The following ST8SIA6 variants were observed in gnomAD, a reference collection of about 807,000 sequenced individuals.
The protein encoded by ST8SIA6 is ST8 alpha-N-acetyl-neuraminide alpha-2,8-sialyltransferase 6.
A neutral mutation model predicts 33.6 loss-of-function variants in ST8SIA6; 39 were observed. The ratio of observed to expected loss-of-function variants is 1.16; its 90% CI spans 0.90 to 1.52. The LOEUF is 1.52. Among genes scored for constraint, ST8SIA6 ranks in the 40% most tolerant of loss-of-function variants. ST8SIA6 has a pLI of 0.00. For missense variants in ST8SIA6, 441 were observed against 443.8 expected (o/e 0.99, Z 0.06); for synonymous variants, 172 against 167.2 (o/e 1.03, Z -0.22).
intron 2 of ST8SIA6, among the ~76,000 whole-genome samples, chr10:17,444,231 G>A (rs920257039): frequency 1.8e-4 from 27 of 152,086 alleles, no homozygotes; most frequent in East Asian, 5.8e-4. Context: ...ACCAGACAAC[G>A]CTACCCAACT....
chr10:17,376,232 T>C (rs997941090), intron 3 of ST8SIA6, among the ~76,000 whole-genome samples: 2 of 152,186 alleles, frequency 1.3e-5, no homozygotes, highest in Admixed American at 1.3e-4. Flanking sequence ...AGCAAGATGG[T>C]TGAAAATGGC....
chr10:17,361,550 A>G (rs1474432043), intron 3 of ST8SIA6, among the ~76,000 whole-genome samples: 1 of 146,890 alleles, frequency 6.8e-6, no homozygotes, highest in Admixed American at 6.8e-5. Context: ...ACACACACAC[A>G]CGGCCCAAAT....
At chr10:17,328,701 T>C (rs1402520555) in intron 5 of ST8SIA6, among the ~76,000 whole-genome samples, 2 of 152,244 alleles carry the variant, frequency 1.3e-5, no homozygotes, top group Non-Finnish European at 2.9e-5. Context: ...ACCCATCTCA[T>C]GGGCTTTCAA....
intron 2 of ST8SIA6, among the ~76,000 whole-genome samples, chr10:17,441,974 T>C (rs1852514269): frequency 6.6e-6 from 1 of 151,944 alleles, no homozygotes; most frequent in African/African-American, 2.4e-5. Flanking sequence ...GTTCAAGCGA[T>C]TCTCTTGCCT....
chr10:17,317,120 A>G lies in ST8SIA6; in HGVS notation c.*3758T>C, dbSNP rs942449873. Among the ~76,000 whole-genome samples, 8 of 152,140 alleles carry G rather than the reference A, an allele frequency of 5.3e-5. No homozygotes were observed. Among genetic ancestry groups the G allele is most frequent in the African/African-American group, 1.9e-4 (8 of 41,444 alleles). Reference sequence around the variant, plus strand: ...ATCGTTTTCATCCCTCTGGAGCCCAACTTTTTATATGGTGCAATGTAGGCA... The same window carrying G: ...ATCGTTTTCATCCCTCTGGAGCCCAGCTTTTTATATGGTGCAATGTAGGCA... On this transcript the variant is annotated 3_prime_UTR_variant, in exon 8 of 8. Transcript: ENST00000377602.
chr10:17,439,670 T>C (rs1170963513), intron 2 of ST8SIA6, among the ~76,000 whole-genome samples: 4 of 152,300 alleles, frequency 2.6e-5, no homozygotes, highest in African/African-American at 9.6e-5. Context: ...GCCAGCAATC[T>C]CTAAGCTTCA....
chr10:17,324,404 A>G (rs1848056369), intron 6 of ST8SIA6, among the ~76,000 whole-genome samples: 1 of 152,110 alleles, frequency 6.6e-6, no homozygotes, highest in Non-Finnish European at 1.5e-5. Context: ...TCAATAATAC[A>G]TATTCAATGA....
At chr10:17,436,712 T>G (rs1852273870) in intron 2 of ST8SIA6, among the ~76,000 whole-genome samples, 1 of 152,076 alleles carries the variant, frequency 6.6e-6, no homozygotes, top group African/African-American at 2.4e-5. Flanking sequence ...TCATCATTTT[T>G]TATGGCTGCA....
intron 4 of ST8SIA6, among the ~76,000 whole-genome samples, chr10:17,347,903 C>T (rs1022169100): frequency 7.0e-6 from 1 of 142,026 alleles, no homozygotes; most frequent in African/African-American, 2.6e-5. Flanking sequence ...TTGCAGTGAG[C>T]CGAGATTGCG....
At chr10:17,432,915 C>G (rs1852145488) in intron 2 of ST8SIA6, among the ~76,000 whole-genome samples, 1 of 152,208 alleles carries the variant, frequency 6.6e-6, no homozygotes, top group Non-Finnish European at 1.5e-5. Context: ...ACCAACCCAG[C>G]TGTTTCTGTA....
intron 3 of ST8SIA6, among the ~76,000 whole-genome samples, chr10:17,368,407 CAAAAAAAAAA>C (rs200826980): frequency 0.011 from 829 of 72,196 alleles, 18 homozygotes; most frequent in African/African-American, 0.035. Flanking sequence ...AGCTCTGTCT[CAAAAAAAAAA>C]AAAAAAAAAA....
intron 3 of ST8SIA6, among the ~76,000 whole-genome samples, chr10:17,382,800 AT>A (rs1426261201): frequency 6.6e-6 from 1 of 152,242 alleles, no homozygotes; most frequent in Non-Finnish European, 1.5e-5. Context: ...AGGTGGGCCC[AT>A]AAGATCGTAA....
chr10:17,337,179 C>G (rs61841858), intron 4 of ST8SIA6, among the ~76,000 whole-genome samples: 14 of 152,160 alleles, frequency 9.2e-5, no homozygotes, highest in Non-Finnish European at 1.9e-4. Flanking sequence ...TAAGAAGAGC[C>G]TGCCACCTCT....
rs1847858522 is a variant in ST8SIA6 at position 17,319,050 on chromosome 10, GCCAACAACC to G, written c.*1819_*1827del. ...GAGAGTAGGAGAGCTTCAAACAATG[GCCAACAACC>G]CCAATCTGCTGTGAAATCACAACTA... On this transcript the variant is annotated 3_prime_UTR_variant, in exon 8 of 8. Transcript: ENST00000377602. Among the ~76,000 whole-genome samples the G allele has an allele frequency of 6.6e-6, 1 of 151,974 alleles. No individual in the cohort carries two copies. The highest frequency in any genetic ancestry group is 2.1e-4 in the South Asian group (1 of 4,810).
chr10:17,351,611 C>T (rs1361612309), intron 4 of ST8SIA6, among the ~76,000 whole-genome samples: 1 of 151,564 alleles, frequency 6.6e-6, no homozygotes, highest in Non-Finnish European at 1.5e-5. Context: ...ACGTTTACTA[C>T]AGCATGATTC....
At chr10:17,377,119 C>T (rs923327830) in intron 3 of ST8SIA6, among the ~76,000 whole-genome samples, 1 of 152,090 alleles carries the variant, frequency 6.6e-6, no homozygotes, top group African/African-American at 2.4e-5. Flanking sequence ...TGTTCCTGCC[C>T]CACCCTAATT....
chr10:17,390,548 G>A lies in ST8SIA6; in HGVS notation c.273C>T (p.Phe91=), dbSNP rs1564439666. ...GAACTTACCCTTTCGTTTTGTTAGA[G>A]AAAGACTCAATGCCATATTGCAGAT... ...CKNLQYGIES[F]SNKTKGYSEN... Residue 91 remains phenylalanine, a synonymous_variant, in exon 3 of 8, where the codon TTC becomes TTT. Coordinates refer to ENST00000377602, the MANE Select transcript of ST8SIA6 (RefSeq NM_001004470.3). 9 of 1,613,682 alleles carry A rather than the reference G, an allele frequency of 5.6e-6. No individual in the cohort carries two copies. In the East Asian group the frequency reaches 1.8e-4, roughly 32 times the overall value.
rs1264279325 is a variant in ST8SIA6 at position 17,317,676 on chromosome 10, G to A, written c.*3202C>T. ...CTTCCTAATTCATGGAGTGATTTAC[G>A]GTACTTGACATTACATAATACTTAG... is the stretch of plus-strand genomic sequence containing the variant. On this transcript the variant is annotated 3_prime_UTR_variant, in exon 8 of 8. Coordinates refer to ENST00000377602, the MANE Select transcript of ST8SIA6 (RefSeq NM_001004470.3). Among the ~76,000 whole-genome samples, 2 of 152,110 alleles carry A rather than the reference G, an allele frequency of 1.3e-5. No individual in the cohort carries two copies. The highest frequency in any genetic ancestry group is 2.4e-5 in the African/African-American group (1 of 41,480).
intron 4 of ST8SIA6, among the ~76,000 whole-genome samples, chr10:17,355,009 T>C (rs1271070634): frequency 1.3e-5 from 2 of 152,128 alleles, no homozygotes; most frequent in African/African-American, 4.8e-5. Flanking sequence ...AAGTGCTGAA[T>C]GAGTAAAAGC....
Sources: gnomAD v4.1 joint callset for allele counts (sites outside exome capture counted in the v4.1 genomes callset) on GRCh38, gnomAD v4.1.1 for gene constraint, MANE v1.5 for transcripts, NCBI Gene and HGNC (gene_info 2026-07-23, HGNC 2026-07-21) for gene names.